The following ME1 variants were observed in gnomAD, a reference collection of about 807,000 sequenced individuals.
ME1 encodes the protein NADP-dependent malic enzyme.
A neutral mutation model predicts 66.4 loss-of-function variants in ME1; 74 were observed. The ratio of observed to expected loss-of-function variants is 1.11; its 90% confidence interval spans 0.92 to 1.35. ME1 has a LOEUF of 1.35. Ranked by LOEUF, ME1 falls within the 40% of genes most tolerant of loss-of-function variation. The probability of loss-of-function intolerance (pLI) is 0.00; values close to 1 mark genes in which losing one functional copy is unlikely to be tolerated. For synonymous variants in ME1, 251 were observed against 235.6 expected (o/e 1.07, Z -0.60); for missense variants, 750 against 694.1 (o/e 1.08, Z -0.90).
At chr6:83,422,075 A>C (rs995452003) in intron 1 of ME1, among the ~76,000 whole-genome samples, 4 of 152,160 alleles carry the variant, frequency 2.6e-5, no homozygotes, top group African/African-American at 7.2e-5. Context: ...AGATCACAGA[A>C]AGAAGGGAAC....
At chr6:83,410,672 G>A (rs768853796) in intron 1 of ME1, among the ~76,000 whole-genome samples, 2 of 152,178 alleles carry the variant, frequency 1.3e-5, no homozygotes, top group Non-Finnish European at 2.9e-5. Context: ...ACTTCTGAGT[G>A]TTATGCCTTG....
chr6:83,291,676 G>T (rs1026934152), intron 6 of ME1, among the ~76,000 whole-genome samples: 1 of 152,066 alleles, frequency 6.6e-6, no homozygotes, highest in Non-Finnish European at 1.5e-5. Flanking sequence ...GCCTTGCTAG[G>T]TTGGGGAAGT....
intron 11 of ME1, among the ~76,000 whole-genome samples, chr6:83,225,389 A>G (rs1790176114): frequency 6.6e-6 from 1 of 152,102 alleles, no homozygotes; most frequent in Admixed American, 6.6e-5. Context: ...TAAGAAATCT[A>G]TTTGAAAAGT....
chr6:83,253,860 C>T (rs1295113289), intron 6 of ME1, 122 bp from the exon 7 acceptor site: 1 of 556,718 alleles, frequency 1.8e-6, no homozygotes. Flanking sequence ...TATCTTGCTG[C>T]TTAAGTATAA....
At chr6:83,282,720 A>T (rs1234710001) in intron 6 of ME1, among the ~76,000 whole-genome samples, 1 of 152,180 alleles carries the variant, frequency 6.6e-6, no homozygotes, top group Non-Finnish European at 1.5e-5. Flanking sequence ...AAGGATCTAG[A>T]ACCAGAAATA....
chr6:83,299,345 A>G (rs1481759086), intron 6 of ME1, among the ~76,000 whole-genome samples: 3 of 151,806 alleles, frequency 2.0e-5, no homozygotes, highest in Non-Finnish European at 4.4e-5. Flanking sequence ...GTATTCCTAG[A>G]TATTTTATTC....
intron 3 of ME1, among the ~76,000 whole-genome samples, chr6:83,365,937 CTT>C (rs1769093699): frequency 6.6e-6 from 1 of 152,176 alleles, no homozygotes; most frequent in Non-Finnish European, 1.5e-5. Context: ...TTCATAGTCT[CTT>C]TGTTTCTGCT....
At chr6:83,229,056 T>TA (rs750422063) in intron 9 of ME1, 125 bp from the exon 10 acceptor site, 1 of 660,764 alleles carries the variant, frequency 1.5e-6, no homozygotes, top group Non-Finnish European at 2.7e-6. Context: ...CAGCTATTCT[T>TA]AAAATCTCTT....
At chr6:83,364,396 A>G (rs1226850236) in intron 3 of ME1, among the ~76,000 whole-genome samples, 5 of 152,110 alleles carry the variant, frequency 3.3e-5, no homozygotes, top group Non-Finnish European at 1.5e-5. Flanking sequence ...ACTCCCCTAT[A>G]TATATATATT....
At chr6:83,326,173 G>A (rs2128541328) in intron 5 of ME1, among the ~76,000 whole-genome samples, 1 of 152,146 alleles carries the variant, frequency 6.6e-6, no homozygotes, top group East Asian at 1.9e-4. Context: ...TTTAATAAAT[G>A]GTGTTGGGAA....
At chr6:83,400,543 T>C (rs374025202) in intron 2 of ME1, among the ~76,000 whole-genome samples, 1 of 152,226 alleles carries the variant, frequency 6.6e-6, no homozygotes, top group Non-Finnish European at 1.5e-5. Context: ...GAATAAATTG[T>C]GTTGGCTTTA....
chr6:83,426,786 C>T lies in ME1; in HGVS notation c.78+4091G>A, dbSNP rs146806796. ...TAAACATGACTTATACTGAACCAAA[C>T]TGCCTAAAATATGGAAGAGTGGTGT... On this transcript the variant is annotated intron_variant, in intron 1 of 13. Transcript: ENST00000369705. Among the ~76,000 whole-genome samples the T allele has an allele frequency of 4.4e-3, 667 of 152,286 alleles. 2 individuals carry two copies. The highest frequency in any genetic ancestry group is 6.7e-3 in the Non-Finnish European group (458 of 68,020).
intron 5 of ME1, among the ~76,000 whole-genome samples, chr6:83,321,299 G>A (rs751366610): frequency 2.6e-5 from 4 of 152,102 alleles, no homozygotes; most frequent in Non-Finnish European, 4.4e-5. Context: ...GAATGCCAGC[G>A]AGACAGAACC....
chr6:83,407,922 C>T, intron 1 of ME1, 21 bp from the exon 2 acceptor site: 1 of 1,582,000 alleles, frequency 6.3e-7, no homozygotes, highest in Non-Finnish European at 8.5e-7. Context: ...AAAACACACA[C>T]ACACACACAA....
intron 3 of ME1, chr6:83,393,135 C>T (rs1769657689): frequency 2.2e-6 from 3 of 1,373,700 alleles, no homozygotes; most frequent in African/African-American, 1.4e-5. Flanking sequence ...AGTGGTGGAC[C>T]TGACCTGCCG....
intron 3 of ME1, among the ~76,000 whole-genome samples, chr6:83,362,600 G>C (rs976382673): frequency 6.6e-6 from 1 of 152,224 alleles, no homozygotes; most frequent in African/African-American, 2.4e-5. Flanking sequence ...CAGCAGCAGA[G>C]ACCAACACTG....
chr6:83,274,446 T>C (rs1046469082), intron 6 of ME1, among the ~76,000 whole-genome samples: 1 of 152,226 alleles, frequency 6.6e-6, no homozygotes, highest in Non-Finnish European at 1.5e-5. Flanking sequence ...TAGTATATTA[T>C]AGATAAGCCT....
chr6:83,213,020 A>G (rs1389802693), intron 13 of ME1, among the ~76,000 whole-genome samples: 1 of 147,838 alleles, frequency 6.8e-6, no homozygotes, highest in East Asian at 2.0e-4. Flanking sequence ...CATATATACT[A>G]TTTAATTCAC....
chr6:83,240,544 T>G (rs6932832), intron 7 of ME1, among the ~76,000 whole-genome samples: 8,232 of 152,140 alleles, frequency 0.054, 712 homozygotes, highest in African/African-American at 0.18. Context: ...CAGCTCAACT[T>G]CTTTATGGCT....
Sources: allele counts gnomAD v4.1 joint callset (sites outside exome capture counted in the v4.1 genomes callset), GRCh38; gene constraint gnomAD v4.1.1; transcripts MANE v1.5; gene names NCBI Gene and HGNC (gene_info 2026-07-23, HGNC 2026-07-21).